MPP2: variants seen among roughly 807,000 people sequenced by gnomAD.
MPP2 encodes MAGUK p55 subfamily member 2.
Under a neutral mutation model 58.5 loss-of-function variants are expected in MPP2, and 42 were observed. The observed-to-expected ratio is 0.72, with a 90% CI of 0.56 to 0.93. The LOEUF is 0.93. MPP2 is among the 40% of genes least tolerant of loss of function. The pLI is 0.00. For synonymous variants in MPP2, 300 were observed against 307.8 expected (o/e 0.97, Z 0.26); for missense variants, 632 against 760.4 (o/e 0.83, Z 1.99).
intron 3 of MPP2, among the ~76,000 whole-genome samples, chr17:43,896,925 C>T (rs116791963): frequency 1.3e-5 from 2 of 152,130 alleles, no homozygotes; most frequent in East Asian, 1.9e-4. Context: ...ACCTCCCCCC[C>T]TCAGGAGAGG....
At chr17:43,881,721 C>CCTG in intron 6 of MPP2, 132 bp from the exon 7 acceptor site, 1 of 1,167,066 alleles carries the variant, frequency 8.6e-7, no homozygotes. Flanking sequence ...AGTGATGCCT[C>CCTG]CAGGCCTGCC....
In MPP2 at chr17:43,880,712, G is replaced by T; in HGVS notation, c.1129C>A (p.Arg377Ser). 6.2e-7 allele frequency: 1 copy of T among 1,612,722 alleles called. No homozygotes were observed. The highest frequency in any genetic ancestry group is 8.5e-7 in the Non-Finnish European group (1 of 1,179,098). The change falls in exon 10 of 13, where the codon CGC becomes AGC. Residue 377 changes from arginine (R) to serine (S), a missense_variant. Coordinates refer to ENST00000269095, the MANE Select transcript of MPP2 (RefSeq NM_005374.5). This position sits in a 1 kb window ranked among gnomAD's most constrained non-coding sequence, Gnocchi z 5.2. ...KNKLIMWDPD[R>S]YGTTVPYTSR... Reference sequence around the variant, plus strand: ...TCACAGGGCACCGTGGTGCCATAGCGATCTGGATCCCACATGATGAGCTTG... The same window carrying T: ...TCACAGGGCACCGTGGTGCCATAGCTATCTGGATCCCACATGATGAGCTTG...
chr17:43,890,531 AC>A (rs1215548460), intron 3 of MPP2, among the ~76,000 whole-genome samples: 1 of 151,864 alleles, frequency 6.6e-6, no homozygotes, highest in African/African-American at 2.4e-5. Context: ...CTCCACTCCA[AC>A]CCCCCGATCA....
At chr17:43,896,831 C>G (rs544027113) in intron 3 of MPP2, among the ~76,000 whole-genome samples, 1 of 152,256 alleles carries the variant, frequency 6.6e-6, no homozygotes, top group South Asian at 2.1e-4. Flanking sequence ...GACTGCTCCA[C>G]CTTCACCAAG....
intron 2 of MPP2, chr17:43,901,262 A>G (rs1597810272): frequency 1.0e-6 from 1 of 985,224 alleles, no homozygotes. Context: ...GTGGGTAGGG[A>G]TGGTGCCCCA....
At chr17:43,899,139 C>T (rs1020306660) in intron 2 of MPP2, among the ~76,000 whole-genome samples, 4 of 152,040 alleles carry the variant, frequency 2.6e-5, no homozygotes, top group Non-Finnish European at 5.9e-5. Context: ...CCCAGCTACT[C>T]GGGAGGCTGA....
At chr17:43,898,587 G>C (rs1367746519) in intron 2 of MPP2, among the ~76,000 whole-genome samples, 1 of 152,152 alleles carries the variant, frequency 6.6e-6, no homozygotes, top group African/African-American at 2.4e-5. Context: ...CAATTTCCTT[G>C]GCCTGTTCTC....
At chr17:43,886,201 TG>T (rs1179791094) in intron 3 of MPP2, among the ~76,000 whole-genome samples, 1 of 152,146 alleles carries the variant, frequency 6.6e-6, no homozygotes, top group Admixed American at 6.5e-5. Flanking sequence ...TTTATTTAAC[TG>T]GTTTGGTTTT....
rs1261965126 is a variant in MPP2, at chr17:43,881,599, G to A, written c.682-10C>T. ...GACATTTCACAAATACCTGGGCCCA[G>A]GAATCAGCAAAGGGTCGGGGGAAGG... On this transcript the variant is annotated splice_polypyrimidine_tract_variant and intron_variant, in intron 6 of 12. Transcript: ENST00000269095. 6.2e-7 allele frequency: 1 copy of A among 1,612,928 alleles called. No homozygotes were observed. Among genetic ancestry groups the A allele is most frequent in the African/African-American group, 1.3e-5 (1 of 74,910 alleles).
At chr17:43,906,144 C>T in intron 1 of MPP2, 1 of 984,596 alleles carries the variant, frequency 1.0e-6, no homozygotes. Context: ...TCCAGAAGTC[C>T]TCCTTCCCTA....
At chr17:43,907,167 C>T in intron 1 of MPP2, 9 of 985,506 alleles carry the variant, frequency 9.1e-6, no homozygotes, top group Non-Finnish European at 1.1e-5. Flanking sequence ...CCCGCACAGC[C>T]CCCGGGGAGG....
chr17:43,882,896 T>C lies in MPP2; in HGVS notation c.453+7A>G. The C allele has an allele frequency of 6.2e-7, 1 of 1,613,928 alleles. No individual in the cohort carries two copies. Among genetic ancestry groups the C allele is most frequent in the Non-Finnish European group, 8.5e-7 (1 of 1,180,012 alleles). On this transcript the variant is annotated splice_region_variant and intron_variant, in intron 5 of 12. Coordinates refer to ENST00000269095, the MANE Select transcript of MPP2 (RefSeq NM_005374.5). The stretch of plus-strand genomic sequence containing the variant: ...CAGCACCACCTCTGGCCCTGCCCAG[T>C]CCTCACCAGATGTTCTCCGGCTGTC...
Position 43,879,505 on chromosome 17 carries a change from G to T in MPP2, c.1354-102C>A. Reference sequence around the variant, plus strand: ...CTGGGGTTGGGGTGAGCACTTGGGAGTGGATGAGAAAAGGGTGCCCGGGGG... The same window carrying T: ...CTGGGGTTGGGGTGAGCACTTGGGATTGGATGAGAAAAGGGTGCCCGGGGG... On this transcript the variant is annotated intron_variant, in intron 11 of 12. Coordinates refer to ENST00000269095, the MANE Select transcript of MPP2 (RefSeq NM_005374.5). The surrounding 1 kb of genome is among the most constrained non-coding windows in gnomAD (Gnocchi z 4.1). 1.4e-6 allele frequency: 2 copies of T among 1,472,024 alleles called. No homozygotes were observed. The highest frequency in any genetic ancestry group is 1.9e-6 in the Non-Finnish European group (2 of 1,069,298). The allele number at this position is 1,472,024 out of a possible 1,614,324, so 91.2% of individuals were successfully genotyped here. A position where few individuals can be genotyped will look rare whatever the true frequency, so the allele number is the denominator to read the frequency against.
chr17:43,893,178 C>G (rs1166756198), intron 3 of MPP2, among the ~76,000 whole-genome samples: 1 of 152,208 alleles, frequency 6.6e-6, no homozygotes, highest in Non-Finnish European at 1.5e-5. Flanking sequence ...AGGGCTGTCT[C>G]ATTCTGAGAC....
chr17:43,889,281 CT>C (rs1319499126), intron 3 of MPP2, among the ~76,000 whole-genome samples: 1 of 151,700 alleles, frequency 6.6e-6, no homozygotes, highest in African/African-American at 2.4e-5. Context: ...ACCACCCAAA[CT>C]AAAAAACAAA....
chr17:43,885,779 T>C (rs1237220128), intron 3 of MPP2, among the ~76,000 whole-genome samples: 1 of 152,144 alleles, frequency 6.6e-6, no homozygotes, highest in Non-Finnish European at 1.5e-5. Context: ...GGGTACAGTG[T>C]ATACTGCTTG....
At chr17:43,883,127 G>C in intron 4 of MPP2, 75 bp from the exon 5 acceptor site, 1 of 1,555,994 alleles carries the variant, frequency 6.4e-7, no homozygotes, top group Non-Finnish European at 8.7e-7. Flanking sequence ...CCAACTTCCT[G>C]CTGGCCCATC....
In MPP2 at chr17:43,882,350, G is replaced by A. The variant is rs1300854585; in HGVS notation, c.615C>T (p.Arg205=). The change falls in exon 6 of 13, where the codon CGC becomes CGT. Residue 205 remains arginine, a synonymous_variant. Coordinates refer to ENST00000269095, the MANE Select transcript of MPP2 (RefSeq NM_005374.5). ...SDPRALQELL[R]NASGSVILKI... Reference sequence around the variant, plus strand: ...TGAGGATGACACTGCCACTGGCATTGCGCAGGAGCTCCTGCAGTGCGCGGG... The same window carrying A: ...TGAGGATGACACTGCCACTGGCATTACGCAGGAGCTCCTGCAGTGCGCGGG... 2 of 1,612,476 alleles carry A rather than the reference G, an allele frequency of 1.2e-6. No homozygotes were observed. Among genetic ancestry groups the A allele is most frequent in the South Asian group, 2.2e-5 (2 of 91,088 alleles).
At position 43,877,696 on chromosome 17, in the gene MPP2, AC is replaced by A; in HGVS notation, c.*110del. On this transcript the variant is annotated 3_prime_UTR_variant, in exon 13 of 13. Transcript: ENST00000269095. ...GCCTGCTGGGAGCTGTTACCCAAGG[AC>A]AGCCAGATATGGGGGCTAAGGATTG... is the stretch of plus-strand genomic sequence containing the variant. 3 of 948,502 alleles carry A rather than the reference AC, an allele frequency of 3.2e-6. No individual in the cohort carries two copies. The highest frequency in any genetic ancestry group is 4.9e-6 in the Non-Finnish European group (3 of 612,028). 58.8% of individuals were successfully genotyped at this position (948,502 alleles called of 1,614,324 possible).
Sources: allele counts gnomAD v4.1 joint callset (sites outside exome capture counted in the v4.1 genomes callset), GRCh38; gene constraint gnomAD v4.1.1; non-coding constraint Gnocchi (gnomAD v3.1); transcripts MANE v1.5; gene names NCBI Gene and HGNC (gene_info 2026-07-23, HGNC 2026-07-21).